The following ALMS1 variants were observed in gnomAD, a reference collection of about 807,000 sequenced individuals.
ALMS1 encodes centrosome-associated protein ALMS1.
In ALMS1, 271 loss-of-function variants were observed where a neutral mutation model predicts 352.2. That is an observed-to-expected ratio of 0.77 (90% CI 0.70 to 0.85). The LOEUF (loss-of-function observed/expected upper bound fraction) is 0.85, where lower values mean the gene tolerates loss of function less well. Ranked by LOEUF, ALMS1 falls within the 40% of genes least tolerant of loss-of-function variation. The pLI, the probability that ALMS1 is intolerant of heterozygous loss-of-function variation, is 0.00. For missense variants in ALMS1, 5,445 were observed against 4,870.7 expected, an observed-to-expected ratio of 1.12 and a Z score of -3.51; for synonymous variants, 1,865 against 1,761.2, an observed-to-expected ratio of 1.06 and a Z score of -1.48.
chr2:73,487,779 C>T (rs916793088), intron 9 of ALMS1, among the ~76,000 whole-genome samples: 3 of 152,280 alleles, frequency 2.0e-5, no homozygotes, highest in Admixed American at 6.5e-5. Context: ...AAGTGGGTAG[C>T]TCCTTTCTGC....
At chr2:73,582,404 T>G (rs1332125971) in intron 16 of ALMS1, among the ~76,000 whole-genome samples, 1 of 152,224 alleles carries the variant, frequency 6.6e-6, no homozygotes, top group Non-Finnish European at 1.5e-5. Flanking sequence ...AAAATTCCCT[T>G]CTTAACTGTT....
chr2:73,485,555 T>G (rs1083920), intron 9 of ALMS1, among the ~76,000 whole-genome samples: 134,444 of 152,306 alleles, frequency 0.88, 59,457 homozygotes, highest in Admixed American at 0.93. Context: ...TCCAGAGATG[T>G]AGCCTACAGA....
chr2:73,414,489 G>GTTTTTTTTTTT (rs11395837), intron 2 of ALMS1, among the ~76,000 whole-genome samples: 2 of 94,248 alleles, frequency 2.1e-5, no homozygotes, highest in African/African-American at 8.9e-5. Context: ...TTTTTTTTTT[G>GTTTTTTTTTTT]TTTTTTTTTT....
intron 12 of ALMS1, among the ~76,000 whole-genome samples, chr2:73,542,517 A>C (rs1029160790): frequency 2.6e-5 from 4 of 152,218 alleles, no homozygotes; most frequent in African/African-American, 9.7e-5. Flanking sequence ...TGGCCAGGGC[A>C]ATCAGGCAGG....
intron 2 of ALMS1, among the ~76,000 whole-genome samples, chr2:73,413,850 C>T (rs747003664): frequency 1.7e-4 from 26 of 151,910 alleles, no homozygotes; most frequent in Admixed American, 1.4e-3. Flanking sequence ...ATTAATTGAC[C>T]TTGTATATGT....
At chr2:73,516,451 C>T (rs1320011099) in intron 10 of ALMS1, among the ~76,000 whole-genome samples, 1 of 152,106 alleles carries the variant, frequency 6.6e-6, no homozygotes, top group Non-Finnish European at 1.5e-5. Flanking sequence ...TGGGTATATA[C>T]CCAAAACAAA....
intron 2 of ALMS1, among the ~76,000 whole-genome samples, chr2:73,411,602 C>T (rs1055731907): frequency 6.6e-6 from 1 of 152,154 alleles, no homozygotes; most frequent in Non-Finnish European, 1.5e-5. Flanking sequence ...TCATCCTTTA[C>T]GCCTGGGTTC....
intron 1 of ALMS1, among the ~76,000 whole-genome samples, chr2:73,390,282 A>G (rs1395667605): frequency 1.3e-5 from 2 of 152,202 alleles, no homozygotes; most frequent in African/African-American, 4.8e-5. Flanking sequence ...TTCTTGCTAG[A>G]AATTTATGAA....
intron 15 of ALMS1, among the ~76,000 whole-genome samples, chr2:73,563,397 A>G (rs937586391): frequency 5.3e-5 from 8 of 152,154 alleles, no homozygotes; most frequent in African/African-American, 1.9e-4. Flanking sequence ...CCAGGAGCTC[A>G]ATCAATAAGG....
intron 1 of ALMS1, among the ~76,000 whole-genome samples, chr2:73,406,395 T>C (rs1670972457): frequency 6.6e-6 from 1 of 151,946 alleles, no homozygotes; most frequent in African/African-American, 2.4e-5. Flanking sequence ...AAAGTGTCTT[T>C]TAAACAGCAT....
intron 9 of ALMS1, among the ~76,000 whole-genome samples, chr2:73,475,018 T>A (rs1441706776): frequency 6.6e-6 from 1 of 152,062 alleles, no homozygotes; most frequent in Non-Finnish European, 1.5e-5. Context: ...TGTGACTGCC[T>A]TCTTTTACTT....
At chr2:73,438,243 A>C (rs1002968894) in intron 7 of ALMS1, among the ~76,000 whole-genome samples, 9 of 152,140 alleles carry the variant, frequency 5.9e-5, no homozygotes, top group African/African-American at 1.7e-4. Context: ...TGGTCCCTTG[A>C]TATTAGTTGC....
chr2:73,410,039 T>G (rs1458883291), intron 2 of ALMS1, among the ~76,000 whole-genome samples: 1 of 152,178 alleles, frequency 6.6e-6, no homozygotes, highest in Non-Finnish European at 1.5e-5. Flanking sequence ...CTACCCACAT[T>G]GGAGAGGGTA....
chr2:73,531,365 T>A (rs560800731), intron 11 of ALMS1, among the ~76,000 whole-genome samples: 1 of 152,342 alleles, frequency 6.6e-6, no homozygotes, highest in African/African-American at 2.4e-5. Flanking sequence ...AGGGGAAAAT[T>A]GCTGCCAGTC....
chr2:73,550,617 A>G (rs1445390136), intron 13 of ALMS1, among the ~76,000 whole-genome samples, 180 bp downstream of exon 13: 1 of 152,246 alleles, frequency 6.6e-6, no homozygotes, highest in Non-Finnish European at 1.5e-5. Flanking sequence ...TAAAGGAAGC[A>G]TAAGCTTCAG....
intron 10 of ALMS1, among the ~76,000 whole-genome samples, chr2:73,508,142 C>CCTTTG (rs1342760820): frequency 9.0e-6 from 1 of 110,792 alleles, no homozygotes; most frequent in Non-Finnish European, 2.1e-5. Context: ...TTTCCCTTTC[C>CCTTTG]CTTTCCTTTC....
chr2:73,429,224 C>T (rs1671452868), intron 6 of ALMS1, among the ~76,000 whole-genome samples: 2 of 149,468 alleles, frequency 1.3e-5, no homozygotes, highest in African/African-American at 4.9e-5. Context: ...TACTTTCTAT[C>T]ATTATTTTGT....
At chr2:73,563,896 T>A (rs1674723013) in intron 15 of ALMS1, among the ~76,000 whole-genome samples, 1 of 151,588 alleles carries the variant, frequency 6.6e-6, no homozygotes, top group Non-Finnish European at 1.5e-5. Flanking sequence ...CAAAGAGAAA[T>A]GGACAAATAC....
Position 73,419,316 on chromosome 2 carries a change from T to C in ALMS1, c.644T>C (p.Leu215Pro). ...PNRDLFCSPL[L>P]VIQDSFASPD... is the part of the protein sequence containing the mutation. ...AGAGATCTCTTCTGTTCTCCACTGC[T>C]AGGTAATGCCTGTTTATTTTAACTA... The change falls in exon 3 of 23, where the codon CTA (leucine) becomes CCA (proline). Residue 215 changes from leucine to proline, a missense_variant and splice_region_variant. Leu to Pro is a moderately conservative substitution (Grantham distance 98). Transcript: ENST00000613296. 1 of 1,613,510 alleles carries C rather than the reference T, an allele frequency of 6.2e-7. No homozygotes were observed. The highest frequency in any genetic ancestry group is 8.5e-7 in the Non-Finnish European group (1 of 1,179,420).
Sources: allele counts gnomAD v4.1 joint callset (sites outside exome capture counted in the v4.1 genomes callset), GRCh38; gene constraint gnomAD v4.1.1; transcripts MANE v1.5; gene names NCBI Gene and HGNC (gene_info 2026-07-23, HGNC 2026-07-21).